Variants in EIF1AX observed in about 807,000 individuals in gnomAD.
EIF1AX encodes eukaryotic translation initiation factor 1A X-linked.
In EIF1AX, 1 loss-of-function variant was observed where a neutral mutation model predicts 16.1. That is an observed-to-expected ratio of 0.06 (90% CI 0.02 to 0.30). The LOEUF is 0.30. Ranked by LOEUF, EIF1AX falls within the 10% of genes least tolerant of loss-of-function variation. The probability of loss-of-function intolerance (pLI) is 1.00; values close to 1 mark genes in which losing one functional copy is unlikely to be tolerated. For synonymous variants in EIF1AX, 32 were observed against 37.3 expected (o/e 0.86, Z 0.51); for missense variants, 11 against 109.1 (o/e 0.10, Z 4.00).
Position 20,127,246 on chromosome X carries a change from C to G in EIF1AX, c.*1060G>C, listed in dbSNP as rs1569172468. 7.0e-6 allele frequency: 1 copy of G among 143,141 alleles called. No homozygotes were observed. Among genetic ancestry groups the G allele is most frequent in the African/African-American group, 3.0e-5 (1 of 32,985 alleles). The allele number at this position is 143,141 out of a possible 1,213,427, so 11.8% of individuals were successfully genotyped here. A position where few individuals can be genotyped will look rare whatever the true frequency, so the allele number is the denominator to read the frequency against. ...GGGTATAACATATTCTGCAGCATGACATTTTATTTTATTTCTCAGCTGTAG... is the reference window on the plus strand; with the variant it reads ...GGGTATAACATATTCTGCAGCATGAGATTTTATTTTATTTCTCAGCTGTAG... On this transcript the variant is annotated 3_prime_UTR_variant, in exon 7 of 7. Coordinates refer to ENST00000379607, the MANE Select transcript of EIF1AX (RefSeq NM_001412.4).
chrX:20,130,736 T>C, intron 5 of EIF1AX, 129 bp from the exon 6 acceptor site: 1 of 610,949 alleles, frequency 1.6e-6, no homozygotes, highest in South Asian at 6.3e-5. Flanking sequence ...TCCTGCAGTG[T>C]CACTGCTAAG....
chrX:20,129,666 A>G (rs977976889), intron 6 of EIF1AX, among the ~76,000 whole-genome samples: 12 of 112,298 alleles, frequency 1.1e-4, no homozygotes, highest in Admixed American at 9.4e-4. Flanking sequence ...AAATAAACAT[A>G]CCAACTGCAA....
At position 20,124,699 on chromosome X, in the gene EIF1AX, CAAT is replaced by C. The variant is rs1161446664; in HGVS notation, c.*3604_*3606del. 1.4e-5 allele frequency: 2 copies of C among 140,504 alleles called. No homozygotes were observed. Among genetic ancestry groups the C allele is most frequent in the African/African-American group, 6.3e-5 (2 of 31,897 alleles). 11.6% of individuals were successfully genotyped at this position (140,504 alleles called of 1,213,427 possible). ...AAGAATAAAATATTATCAGAGGTAT[CAAT>C]ATTAATAACTATAATCTTTTTCTAA... On this transcript the variant is annotated 3_prime_UTR_variant, in exon 7 of 7. Transcript: ENST00000379607.
At chrX:20,137,874 T>G (rs1478744949) in intron 2 of EIF1AX, among the ~76,000 whole-genome samples, 1 of 110,119 alleles carries the variant, frequency 9.1e-6, no homozygotes. Flanking sequence ...CTCAATTCCC[T>G]CTGAACTATA....
rs965501289 is a variant in EIF1AX at position 20,124,747 on chromosome X, T to G, written c.*3559A>C. Reference sequence around the variant, plus strand: ...TTCTAAAGAAATATAGAACAGTTGGTATTTTGTAAAATATCTTCAAGCAAA... The same window carrying G: ...TTCTAAAGAAATATAGAACAGTTGGGATTTTGTAAAATATCTTCAAGCAAA... On this transcript the variant is annotated 3_prime_UTR_variant, in exon 7 of 7. Coordinates refer to ENST00000379607, the MANE Select transcript of EIF1AX (RefSeq NM_001412.4). The G allele has an allele frequency of 7.0e-6, 1 of 142,278 alleles. No individual in the cohort carries two copies. The highest frequency in any genetic ancestry group is 1.4e-5 in the Non-Finnish European group (1 of 71,163). The allele number at this position is 142,278 out of a possible 1,213,427, so 11.7% of individuals were successfully genotyped here. A position where few individuals can be genotyped will look rare whatever the true frequency, so the allele number is the denominator to read the frequency against.
rs765386007 is a variant in EIF1AX, at chrX:20,125,389, G to A, written c.*2917C>T. 5.3e-4 allele frequency: 90 copies of A among 171,335 alleles called. No individual in the cohort carries two copies. Among genetic ancestry groups the A allele is most frequent in the Non-Finnish European group, 9.1e-4 (81 of 89,459 alleles). The allele number at this position is 171,335 out of a possible 1,213,427, so 14.1% of individuals were successfully genotyped here. On this transcript the variant is annotated 3_prime_UTR_variant, in exon 7 of 7. Transcript: ENST00000379607. ...CAAAGATAAAAAGGATGGTAGTTTA[G>A]GGTAAACCAAAAACACAAAGCAGTG...
In EIF1AX at chrX:20,126,282, T is replaced by A. The variant is rs1235151616; in HGVS notation, c.*2024A>T. 7.4e-6 allele frequency: 1 copy of A among 135,536 alleles called. No individual in the cohort carries two copies. The highest frequency in any genetic ancestry group is 3.5e-5 in the African/African-American group (1 of 28,580). 11.2% of individuals were successfully genotyped at this position (135,536 alleles called of 1,213,427 possible). On this transcript the variant is annotated 3_prime_UTR_variant, in exon 7 of 7. Transcript: ENST00000379607. Reference sequence around the variant, plus strand: ...TACAATTTCCACATTAAATACAAATTAGTAGAAGAATTCCTCCAAGTAGTA... The same window carrying A: ...TACAATTTCCACATTAAATACAAATAAGTAGAAGAATTCCTCCAAGTAGTA...
rs183991949 is a variant in EIF1AX at position 20,141,786 on chromosome X, G to C, written c.-146C>G. Reference sequence around the variant, plus strand: ...GGCAACGTGCGCGGGAGAGGCTGGCGACCCAGCTCTTCAGAGATCCGCCTG... The same window carrying C: ...GGCAACGTGCGCGGGAGAGGCTGGCCACCCAGCTCTTCAGAGATCCGCCTG... On this transcript the variant is annotated 5_prime_UTR_variant, in exon 1 of 7. Coordinates refer to ENST00000379607, the MANE Select transcript of EIF1AX (RefSeq NM_001412.4). 1.0e-5 allele frequency: 6 copies of C among 577,414 alleles called. No homozygotes were observed. Among genetic ancestry groups the C allele is most frequent in the Non-Finnish European group, 1.5e-5 (6 of 388,260 alleles). 47.6% of individuals were successfully genotyped at this position (577,414 alleles called of 1,213,427 possible). A position where few individuals can be genotyped will look rare whatever the true frequency, so the allele number is the denominator to read the frequency against.
chrX:20,141,601 G>GTC (rs938890282), intron 1 of EIF1AX, 24 bp downstream of exon 1: 8 of 1,150,413 alleles, frequency 7.0e-6, no homozygotes, highest in Non-Finnish European at 9.3e-6. Context: ...CAGAGCCGTG[G>GTC]TCCGGGGGTC....
In EIF1AX at chrX:20,126,017, A is replaced by T. The variant is rs2066984268; in HGVS notation, c.*2289T>A. ...GCCACACTAGTGATAAAACATATTC[A>T]TATTCTAACTGCAAGTGGAATAAAC... On this transcript the variant is annotated 3_prime_UTR_variant, in exon 7 of 7. Transcript: ENST00000379607. 7.5e-6 allele frequency: 1 copy of T among 133,818 alleles called. No individual in the cohort carries two copies. 11.0% of individuals were successfully genotyped at this position (133,818 alleles called of 1,213,427 possible). A position where few individuals can be genotyped will look rare whatever the true frequency, so the allele number is the denominator to read the frequency against.
At chrX:20,134,669 C>T (rs1052798699) in intron 3 of EIF1AX, among the ~76,000 whole-genome samples, 9 of 109,627 alleles carry the variant, frequency 8.2e-5, no homozygotes, top group East Asian at 2.9e-4. Flanking sequence ...ATCTGGGAGG[C>T]GGAGATTGCA....
chrX:20,128,887 G>A (rs1164606401), intron 6 of EIF1AX, among the ~76,000 whole-genome samples: 1 of 110,280 alleles, frequency 9.1e-6, no homozygotes, highest in Non-Finnish European at 1.9e-5. Context: ...CATTATCTTG[G>A]TGCATGCGGC....
At chrX:20,139,862 A>C (rs1452292530) in intron 1 of EIF1AX, 1 of 112,416 alleles carries the variant, frequency 8.9e-6, no homozygotes, top group Non-Finnish European at 1.9e-5. Flanking sequence ...TAATTCTTAA[A>C]TTCAGAGTAA....
chrX:20,134,876 C>T (rs1328268650), intron 3 of EIF1AX, among the ~76,000 whole-genome samples: 2 of 112,490 alleles, frequency 1.8e-5, no homozygotes, highest in African/African-American at 6.5e-5. Context: ...TGAATAACTA[C>T]TGTGATGGTG....
chrX:20,135,276 T>C (rs1037044384), intron 3 of EIF1AX, among the ~76,000 whole-genome samples: 1 of 110,120 alleles, frequency 9.1e-6, no homozygotes, highest in Non-Finnish European at 1.9e-5. Context: ...AGAAACCCCA[T>C]CTCTACAAAA....
rs1393703950 is a variant in EIF1AX at position 20,128,294 on chromosome X, G to A, written c.*12C>T. 7.5e-6 allele frequency: 9 copies of A among 1,192,464 alleles called. No homozygotes were observed. Among genetic ancestry groups the A allele is most frequent in the South Asian group, 1.8e-5 (1 of 54,364 alleles). On this transcript the variant is annotated 3_prime_UTR_variant, in exon 7 of 7. Transcript: ENST00000379607. The stretch of plus-strand genomic sequence containing the variant: ...CTTCAGAAAAGATGGAATGTAAAAT[G>A]TTGAGTTCAATTTAGATCTGGAAGG...
chrX:20,136,235 ACACACACACACCCCC>A (rs1349405927), intron 2 of EIF1AX: 2 of 344,004 alleles, frequency 5.8e-6, no homozygotes, highest in Non-Finnish European at 1.1e-5. Context: ...GTGCGTGCAC[ACACACACACACCCCC>A]CACACACACA....
chrX:20,128,229 A>C lies in EIF1AX; in HGVS notation c.*77T>G. ...TTGCATTCATGCTAATGAAATTTTA[A>C]TCTTCTTTGTCATGATCAAAATCCA... On this transcript the variant is annotated 3_prime_UTR_variant, in exon 7 of 7. Coordinates refer to ENST00000379607, the MANE Select transcript of EIF1AX (RefSeq NM_001412.4). 1 of 958,931 alleles carries C rather than the reference A, an allele frequency of 1.0e-6. No individual in the cohort carries two copies. The highest frequency in any genetic ancestry group is 1.4e-6 in the Non-Finnish European group (1 of 690,702). 79.0% of individuals were successfully genotyped at this position (958,931 alleles called of 1,213,427 possible).
chrX:20,131,915 T>G (rs1461301799), intron 5 of EIF1AX, among the ~76,000 whole-genome samples: 1 of 108,461 alleles, frequency 9.2e-6, no homozygotes, highest in East Asian at 2.9e-4. Context: ...GGAAGGAATT[T>G]TAATAGATAC....
Sources: allele counts gnomAD v4.1 joint callset (sites outside exome capture counted in the v4.1 genomes callset), GRCh38; gene constraint gnomAD v4.1.1; transcripts MANE v1.5; gene names NCBI Gene and HGNC (gene_info 2026-07-23, HGNC 2026-07-21).